The following SLC24A2 variants were observed in gnomAD, a reference collection of about 807,000 sequenced individuals.
SLC24A2 encodes solute carrier family 24 member 2.
In SLC24A2, 36 loss-of-function variants were observed where a neutral mutation model predicts 62.0. The observed-to-expected ratio is 0.58, with a 90% confidence interval of 0.44 to 0.77. The LOEUF is 0.77. SLC24A2 is among the 30% of genes least tolerant of loss of function. The pLI, the probability that SLC24A2 is intolerant of heterozygous loss-of-function variation, is 0.00. For missense variants in SLC24A2, 846 were observed against 817.9 expected, an observed-to-expected ratio of 1.03 and a Z score of -0.42; for synonymous variants, 358 against 294.0, an observed-to-expected ratio of 1.22 and a Z score of -2.23.
the SLC24A2 span, among the ~76,000 whole-genome samples, chr9:19,845,032 G>A: frequency 2.0e-5 from 3 of 150,938 alleles, no homozygotes; most frequent in African/African-American, 4.9e-5. Context: ...TTAGAATAGC[G>A]TTTTTTAATT....
the SLC24A2 span, among the ~76,000 whole-genome samples, chr9:19,921,669 C>A: frequency 6.6e-6 from 1 of 151,724 alleles, no homozygotes; most frequent in Admixed American, 6.6e-5. Context: ...CATTTAAATC[C>A]CTCACCTGAA....
At chr9:20,096,648 T>C in the SLC24A2 span, among the ~76,000 whole-genome samples, 1 of 152,200 alleles carries the variant, frequency 6.6e-6, no homozygotes, top group Non-Finnish European at 1.5e-5. Flanking sequence ...CCTGGTTGTT[T>C]CTTCTGGATT....
At chr9:20,188,590 G>C in the SLC24A2 span, among the ~76,000 whole-genome samples, 49 of 152,310 alleles carry the variant, frequency 3.2e-4, no homozygotes, top group African/African-American at 1.1e-3. Context: ...GGGGAGAATA[G>C]CCTGAAATGA....
chr9:19,868,794 T>C, the SLC24A2 span, among the ~76,000 whole-genome samples: 119 of 152,300 alleles, frequency 7.8e-4, no homozygotes, highest in Middle Eastern at 3.4e-3. Context: ...ACTCTAGCTC[T>C]CTTTTGGTTA....
the SLC24A2 span, among the ~76,000 whole-genome samples, chr9:20,025,619 C>G: frequency 1.3e-5 from 2 of 152,058 alleles, no homozygotes; most frequent in Non-Finnish European, 2.9e-5. Flanking sequence ...AGGAGAGGAG[C>G]TATGAAGATG....
the SLC24A2 span, among the ~76,000 whole-genome samples, chr9:20,204,355 T>C: frequency 2.6e-5 from 4 of 152,338 alleles, no homozygotes; most frequent in East Asian, 7.7e-4. Flanking sequence ...TTCTGCATAA[T>C]TTTACTTTTG....
In SLC24A2 at chr9:19,636,390, C is replaced by CCCCTCT. The variant is rs1554690448; in HGVS notation, c.931-14092_931-14091insAGAGGG. ...TTCTTTCTTTCTTTCTTTCTTTCTC[C>CCCCTCT]CTCTCTCTCTCTCTCTCTTTCTTTC... On this transcript the variant is annotated intron_variant, in intron 2 of 10. Transcript: ENST00000341998. Among the ~76,000 whole-genome samples the CCCCTCT allele has an allele frequency of 5.5e-4, 37 of 67,028 alleles. 4 individuals carry two copies. Among genetic ancestry groups the CCCCTCT allele is most frequent in the African/African-American group, 2.8e-3 (37 of 13,298 alleles). The allele number at this position is 67,028 out of a possible 152,430, so 44.0% of individuals were successfully genotyped here.
intron 8 of SLC24A2, among the ~76,000 whole-genome samples, chr9:19,546,685 G>A (rs993053337): frequency 6.6e-6 from 1 of 152,058 alleles, no homozygotes; most frequent in Non-Finnish European, 1.5e-5. Flanking sequence ...CCTTTTCCAG[G>A]GAAGTGAATG....
At chr9:19,830,540 A>G in the SLC24A2 span, among the ~76,000 whole-genome samples, 2 of 152,210 alleles carry the variant, frequency 1.3e-5, no homozygotes, top group East Asian at 1.9e-4. Context: ...ACAATCATTC[A>G]TTCGAAACCT....
the SLC24A2 span, among the ~76,000 whole-genome samples, chr9:19,847,474 T>A: frequency 6.6e-6 from 1 of 152,226 alleles, no homozygotes; most frequent in Non-Finnish European, 1.5e-5. Flanking sequence ...CTGATATAAA[T>A]CTCTCCCTCT....
At chr9:20,064,555 C>T in the SLC24A2 span, among the ~76,000 whole-genome samples, 25 of 152,226 alleles carry the variant, frequency 1.6e-4, no homozygotes, top group African/African-American at 5.8e-4. Context: ...TTGTTATTTA[C>T]ACAGGCTACT....
At chr9:19,897,781 CCTACAG>C in the SLC24A2 span, among the ~76,000 whole-genome samples, 293 of 152,258 alleles carry the variant, frequency 1.9e-3, 1 homozygote, top group African/African-American at 6.9e-3. Context: ...TACTGAACAT[CCTACAG>C]CTACAAGGGA....
chr9:20,176,336 G>C, the SLC24A2 span, among the ~76,000 whole-genome samples: 34 of 152,034 alleles, frequency 2.2e-4, no homozygotes, highest in Non-Finnish European at 7.4e-5. Context: ...CATTATAGCT[G>C]TGATTTCAGT....
At chr9:19,522,622 C>A (rs556592077) in intron 9 of SLC24A2, among the ~76,000 whole-genome samples, 2 of 152,296 alleles carry the variant, frequency 1.3e-5, no homozygotes, top group South Asian at 2.1e-4. Flanking sequence ...ACCCTGTCCT[C>A]ATGGGACACA....
intron 5 of SLC24A2, 47 bp downstream of exon 5, chr9:19,597,182 C>T: frequency 1.6e-6 from 2 of 1,243,994 alleles, no homozygotes; most frequent in Non-Finnish European, 2.4e-6. Flanking sequence ...CAACAGACAC[C>T]ATAAATGTAA....
At chr9:20,282,211 A>T in the SLC24A2 span, among the ~76,000 whole-genome samples, 2 of 152,208 alleles carry the variant, frequency 1.3e-5, no homozygotes, top group Non-Finnish European at 2.9e-5. Context: ...TACAAATTCC[A>T]GTTTTCACTT....
chr9:19,541,585 T>TG (rs201679047), intron 8 of SLC24A2, among the ~76,000 whole-genome samples: 4,256 of 146,712 alleles, frequency 0.029, 214 homozygotes, highest in African/African-American at 0.1. Context: ...AGCTGCGTGC[T>TG]GGGAGAACCA....
the SLC24A2 span, among the ~76,000 whole-genome samples, chr9:20,092,831 C>T: frequency 6.6e-6 from 1 of 151,888 alleles, no homozygotes; most frequent in East Asian, 1.9e-4. Context: ...ACATTAGATC[C>T]CCAGAACTTA....
In SLC24A2 at chr9:19,778,902, G is replaced by A. The variant is rs1175652963; in HGVS notation, c.930+7035C>T. ...ATAAATATACTTAACATGTTTAGAG[G>A]AATAAAAGAGGCATTAAAAGTATGA... On this transcript the variant is annotated intron_variant, in intron 2 of 10. Transcript: ENST00000341998. 2.0e-5 allele frequency among the ~76,000 whole-genome samples: 3 copies of A among 152,190 alleles called. No individual in the cohort carries two copies. In the East Asian group the frequency reaches 5.8e-4, roughly 29 times the overall value.
Sources: allele counts gnomAD v4.1 joint callset (sites outside exome capture counted in the v4.1 genomes callset), GRCh38; gene constraint gnomAD v4.1.1; transcripts MANE v1.5; gene names NCBI Gene and HGNC (gene_info 2026-07-23, HGNC 2026-07-21).